The following B3GALT1 variants were observed in gnomAD, a reference collection of about 807,000 sequenced individuals.
B3GALT1 encodes beta-1,3-galactosyltransferase 1, also known as UDP-Gal:betaGlcNAc beta 1,3-galactosyltransferase, polypeptide 1.
A neutral mutation model predicts 23.2 loss-of-function variants in B3GALT1; 10 were observed. The ratio of observed to expected loss-of-function variants is 0.43; its 90% CI spans 0.27 to 0.73. The LOEUF (loss-of-function observed/expected upper bound fraction) is 0.73, where lower values mean the gene tolerates loss of function less well. Ranked by LOEUF, B3GALT1 falls within the 30% of genes least tolerant of loss-of-function variation. The probability of loss-of-function intolerance (pLI) is 0.21; values close to 1 mark genes in which losing one functional copy is unlikely to be tolerated. For missense variants in B3GALT1, 299 were observed against 405.4 expected (o/e 0.74, Z 2.25); for synonymous variants, 156 against 141.5 (o/e 1.10, Z -0.73).
chr2:167,614,230 C>A (rs1488961344), intron 2 of B3GALT1, among the ~76,000 whole-genome samples: 3 of 150,772 alleles, frequency 2.0e-5, no homozygotes, highest in Admixed American at 2.0e-4. Context: ...TACAAAAATT[C>A]AATGTCCCAC....
intron 2 of B3GALT1, among the ~76,000 whole-genome samples, chr2:167,490,538 A>G (rs1300822372): frequency 6.6e-6 from 1 of 152,250 alleles, no homozygotes; most frequent in African/African-American, 2.4e-5. Flanking sequence ...GAATAGAAGC[A>G]CCATTAGCAG....
At chr2:167,355,367 G>A (rs1217657472) in intron 1 of B3GALT1, among the ~76,000 whole-genome samples, 1 of 152,222 alleles carries the variant, frequency 6.6e-6, no homozygotes, top group Non-Finnish European at 1.5e-5. Context: ...GGGTGAGGAA[G>A]TGAGGATTGG....
At chr2:167,454,452 AAAAAG>A (rs1322083480) in intron 1 of B3GALT1, among the ~76,000 whole-genome samples, 3 of 152,228 alleles carry the variant, frequency 2.0e-5, no homozygotes, top group African/African-American at 4.8e-5. Flanking sequence ...GTAAAAAAGC[AAAAAG>A]AAAAGAAAGA....
At chr2:167,714,978 A>T (rs34125069) in intron 3 of B3GALT1, 118,805 of 1,611,254 alleles carry the variant, frequency 0.074, 13,862 homozygotes, top group Admixed American at 0.41. Context: ...GACTGCAAAG[A>T]TGCTTGTTGA....
chr2:167,432,255 G>C (rs1698717584), intron 1 of B3GALT1, among the ~76,000 whole-genome samples: 1 of 152,180 alleles, frequency 6.6e-6, no homozygotes, highest in African/African-American at 2.4e-5. Context: ...AGACTTCCAA[G>C]ATGAAATAGA....
rs1335382035 is a variant in B3GALT1 at position 167,403,276 on chromosome 2, G to GT, written c.-510-86901_-510-86900insT. ...CTGTGAGTGAGAACTTGCGGTGTTT[G>GT]GTTTTTTGTCCTTGCAATAGTTTGC... On this transcript the variant is annotated intron_variant, in intron 1 of 4. Coordinates refer to ENST00000392690, the MANE Select transcript of B3GALT1 (RefSeq NM_020981.4). Among the ~76,000 whole-genome samples the GT allele has an allele frequency of 1.1e-3, 21 of 19,306 alleles. No individual in the cohort carries two copies. In the Non-Finnish European group the frequency reaches 0.013, roughly 12 times the overall value. The allele number at this position is 19,306 out of a possible 152,430, so 12.7% of individuals were successfully genotyped here. A position where few individuals can be genotyped will look rare whatever the true frequency, so the allele number is the denominator to read the frequency against.
chr2:167,611,234 T>TGA (rs1229979653), intron 2 of B3GALT1, among the ~76,000 whole-genome samples: 1 of 152,048 alleles, frequency 6.6e-6, no homozygotes, highest in Non-Finnish European at 1.5e-5. Flanking sequence ...TAATTTTAAT[T>TGA]GAGAAGTTGC....
intron 3 of B3GALT1, among the ~76,000 whole-genome samples, chr2:167,716,346 C>T (rs1399348083): frequency 6.6e-6 from 1 of 152,186 alleles, no homozygotes; most frequent in Non-Finnish European, 1.5e-5. Flanking sequence ...GCAGTTTTCA[C>T]ATCACATATT....
chr2:167,682,431 A>G (rs765259575), intron 3 of B3GALT1, among the ~76,000 whole-genome samples: 2 of 152,190 alleles, frequency 1.3e-5, no homozygotes, highest in Non-Finnish European at 2.9e-5. Flanking sequence ...CAAAGTTAAA[A>G]TGCTCTGCCC....
intron 4 of B3GALT1, among the ~76,000 whole-genome samples, chr2:167,838,522 G>C (rs1338534136): frequency 6.6e-6 from 1 of 152,294 alleles, no homozygotes; most frequent in Non-Finnish European, 1.5e-5. Flanking sequence ...AGCTGCAATT[G>C]TGGTAATAAT....
At chr2:167,821,900 A>C (rs1205976244) in intron 4 of B3GALT1, among the ~76,000 whole-genome samples, 1 of 152,230 alleles carries the variant, frequency 6.6e-6, no homozygotes, top group African/African-American at 2.4e-5. Flanking sequence ...AGATGAGTGA[A>C]ATCTCACTAA....
At chr2:167,853,704 G>T (rs1388103344) in intron 4 of B3GALT1, among the ~76,000 whole-genome samples, 1 of 152,086 alleles carries the variant, frequency 6.6e-6, no homozygotes, top group South Asian at 2.1e-4. Context: ...TCACCAACAG[G>T]CACATGTATG....
intron 4 of B3GALT1, among the ~76,000 whole-genome samples, chr2:167,839,393 CAG>C (rs1350637091): frequency 1.3e-5 from 2 of 152,202 alleles, no homozygotes; most frequent in Non-Finnish European, 2.9e-5. Context: ...AACAGACAAA[CAG>C]AGAGCCAAAT....
intron 1 of B3GALT1, among the ~76,000 whole-genome samples, chr2:167,304,900 A>G (rs780982797): frequency 2.6e-5 from 4 of 152,178 alleles, no homozygotes; most frequent in South Asian, 4.1e-4. Context: ...CTCAAGATCT[A>G]AGAACATCAG....
chr2:167,432,114 A>G (rs537712175), intron 1 of B3GALT1, among the ~76,000 whole-genome samples: 13 of 152,166 alleles, frequency 8.5e-5, no homozygotes, highest in Admixed American at 6.5e-4. Flanking sequence ...CAAACTCTAC[A>G]TAGGACCCTA....
At chr2:167,613,102 G>A (rs1005630811) in intron 2 of B3GALT1, among the ~76,000 whole-genome samples, 1 of 151,770 alleles carries the variant, frequency 6.6e-6, no homozygotes, top group Non-Finnish European at 1.5e-5. Context: ...TGAGAGAGAG[G>A]AAAAAGGGAG....
intron 1 of B3GALT1, among the ~76,000 whole-genome samples, chr2:167,357,371 TA>T (rs1164480155): frequency 6.6e-6 from 1 of 152,042 alleles, no homozygotes; most frequent in Non-Finnish European, 1.5e-5. Flanking sequence ...TAATTAATTT[TA>T]AAAAATATTA....
At chr2:167,316,031 A>C (rs768729028) in intron 1 of B3GALT1, among the ~76,000 whole-genome samples, 6 of 152,216 alleles carry the variant, frequency 3.9e-5, no homozygotes, top group Non-Finnish European at 7.3e-5. Context: ...CATTTAACCA[A>C]GGCTTGGAAA....
chr2:167,573,874 C>T (rs1388405664), intron 2 of B3GALT1, among the ~76,000 whole-genome samples: 1 of 151,578 alleles, frequency 6.6e-6, no homozygotes, highest in African/African-American at 2.4e-5. Context: ...AGATGAAGCT[C>T]ATGTGTATCC....
Sources: gnomAD v4.1 joint callset for allele counts (sites outside exome capture counted in the v4.1 genomes callset) on GRCh38, gnomAD v4.1.1 for gene constraint, MANE v1.5 for transcripts, NCBI Gene and HGNC (gene_info 2026-07-23, HGNC 2026-07-21) for gene names.